FCHSD2: variants seen among roughly 807,000 people sequenced by gnomAD.
FCHSD2 encodes F-BAR and double SH3 domains protein 2.
A neutral mutation model predicts 108.1 loss-of-function variants in FCHSD2; 38 were observed. The ratio of observed to expected loss-of-function variants is 0.35; its 90% CI spans 0.27 to 0.46. The LOEUF is 0.46. Among genes scored for constraint, FCHSD2 ranks in the 20% least tolerant of loss-of-function variants. The pLI, the probability that FCHSD2 is intolerant of heterozygous loss-of-function variation, is 1.00. For missense variants in FCHSD2, 751 were observed against 897.8 expected, an observed-to-expected ratio of 0.84 and a Z score of 2.09; for synonymous variants, 279 against 314.7, an observed-to-expected ratio of 0.89 and a Z score of 1.20.
chr11:73,008,469 C>T (rs1193620475), intron 4 of FCHSD2, among the ~76,000 whole-genome samples: 1 of 152,060 alleles, frequency 6.6e-6, no homozygotes. Context: ...GGAGAATATC[C>T]TAAGCCTGGG....
intron 8 of FCHSD2, among the ~76,000 whole-genome samples, chr11:72,938,511 G>T (rs190758003): frequency 6.6e-6 from 1 of 152,230 alleles, no homozygotes; most frequent in East Asian, 1.9e-4. Flanking sequence ...CTGGTGTCTA[G>T]GTGTGCCCAC....
chr11:73,040,965 G>C (rs148783664), intron 3 of FCHSD2, among the ~76,000 whole-genome samples: 1 of 152,232 alleles, frequency 6.6e-6, no homozygotes, highest in Non-Finnish European at 1.5e-5. Flanking sequence ...ATATCAGTGA[G>C]TGAGAACATG....
intron 5 of FCHSD2, among the ~76,000 whole-genome samples, chr11:72,999,374 C>T (rs189532103): frequency 7.1e-6 from 1 of 140,492 alleles, no homozygotes; most frequent in African/African-American, 2.7e-5. Context: ...GGCTGGAGGG[C>T]AGTGGCACGA....
chr11:72,912,902 G>A (rs922422013), intron 9 of FCHSD2, among the ~76,000 whole-genome samples: 5 of 152,196 alleles, frequency 3.3e-5, no homozygotes, highest in East Asian at 3.9e-4. Flanking sequence ...ACCTGAGACT[G>A]GGTAATTTAT....
chr11:72,949,720 T>C (rs574103004), intron 8 of FCHSD2, among the ~76,000 whole-genome samples: 1 of 152,368 alleles, frequency 6.6e-6, no homozygotes, highest in Non-Finnish European at 1.5e-5. Flanking sequence ...TTCAATTTTA[T>C]GGTTGATAAT....
chr11:72,927,965 T>A (rs548435517), intron 8 of FCHSD2, among the ~76,000 whole-genome samples: 2 of 152,220 alleles, frequency 1.3e-5, no homozygotes, highest in South Asian at 4.1e-4. Flanking sequence ...TACTTTATCA[T>A]GTTAATGATT....
chr11:73,056,337 A>C (rs1859024490), intron 3 of FCHSD2, among the ~76,000 whole-genome samples: 1 of 152,190 alleles, frequency 6.6e-6, no homozygotes, highest in Non-Finnish European at 1.5e-5. Flanking sequence ...ACAAATTGCT[A>C]ATTGATGTAC....
chr11:72,838,583 A>G lies in FCHSD2; in HGVS notation c.*208T>C, dbSNP rs1193483722. The G allele has an allele frequency of 1.7e-6, 1 of 585,510 alleles. No homozygotes were observed. Among genetic ancestry groups the G allele is most frequent in the Non-Finnish European group, 3.1e-6 (1 of 327,784 alleles). The allele number at this position is 585,510 out of a possible 1,614,324, so 36.3% of individuals were successfully genotyped here. A position where few individuals can be genotyped will look rare whatever the true frequency, so the allele number is the denominator to read the frequency against. On this transcript the variant is annotated 3_prime_UTR_variant, in exon 20 of 20. Transcript: ENST00000409418. ...GCTAGGATTTGTGCTATGGTAGGAG[A>G]AATGACATAGAAAATGACAACAAAA...
chr11:73,135,694 G>C (rs1861105303), intron 2 of FCHSD2, among the ~76,000 whole-genome samples: 1 of 152,186 alleles, frequency 6.6e-6, no homozygotes. Context: ...AGCATGGAAT[G>C]TCCCTGATTA....
At chr11:73,044,831 GA>G (rs374587409) in intron 3 of FCHSD2, among the ~76,000 whole-genome samples, 675 of 152,280 alleles carry the variant, frequency 4.4e-3, no homozygotes, top group Middle Eastern at 6.8e-3. Context: ...AGTACTTTGG[GA>G]GGCCGAGGCA....
intron 8 of FCHSD2, among the ~76,000 whole-genome samples, chr11:72,973,937 C>T (rs1442472772): frequency 6.6e-6 from 1 of 152,012 alleles, no homozygotes; most frequent in African/African-American, 2.4e-5. Context: ...TGTTTGCCAA[C>T]CTCTGTTCTT....
chr11:73,003,822 T>C (rs903345502), intron 4 of FCHSD2, among the ~76,000 whole-genome samples: 25 of 151,516 alleles, frequency 1.6e-4, no homozygotes, highest in African/African-American at 6.0e-4. Context: ...ATAAGAAAAG[T>C]ATCAGCCAGC....
intron 3 of FCHSD2, among the ~76,000 whole-genome samples, chr11:73,035,296 A>G (rs1468338006): frequency 1.3e-5 from 2 of 151,980 alleles, no homozygotes; most frequent in Non-Finnish European, 2.9e-5. Context: ...ACCAGGCTCA[A>G]GAGAGTAGCT....
At chr11:73,076,122 A>G (rs1859545362) in intron 3 of FCHSD2, among the ~76,000 whole-genome samples, 1 of 152,210 alleles carries the variant, frequency 6.6e-6, no homozygotes. Flanking sequence ...ACCCATCTCA[A>G]AAACAAACAA....
At chr11:72,904,595 G>A (rs1266949105) in intron 9 of FCHSD2, among the ~76,000 whole-genome samples, 1 of 152,056 alleles carries the variant, frequency 6.6e-6, no homozygotes, top group Non-Finnish European at 1.5e-5. Flanking sequence ...ATTTCAGTAT[G>A]ACATCTAAAA....
At chr11:72,990,920 G>T (rs1177562353) in intron 5 of FCHSD2, among the ~76,000 whole-genome samples, 1 of 152,120 alleles carries the variant, frequency 6.6e-6, no homozygotes, top group African/African-American at 2.4e-5. Flanking sequence ...ATGAATCCAG[G>T]AGCTGGTTTT....
At chr11:73,058,314 G>C (rs1208634773) in intron 3 of FCHSD2, among the ~76,000 whole-genome samples, 1 of 152,120 alleles carries the variant, frequency 6.6e-6, no homozygotes, top group Non-Finnish European at 1.5e-5. Context: ...GACATTAAAT[G>C]GTATAGTATA....
intron 2 of FCHSD2, among the ~76,000 whole-genome samples, chr11:73,132,880 T>C (rs1861036486): frequency 6.7e-6 from 1 of 149,340 alleles, no homozygotes; most frequent in Admixed American, 6.7e-5. Flanking sequence ...AAAAAAATAC[T>C]GCATATATTT....
chr11:72,908,715 A>G (rs1390504042), intron 9 of FCHSD2, among the ~76,000 whole-genome samples: 1 of 152,140 alleles, frequency 6.6e-6, no homozygotes, highest in African/African-American at 2.4e-5. Context: ...CACCCAGGCT[A>G]GAGTGCAGTG....
Sources: allele counts gnomAD v4.1 joint callset (sites outside exome capture counted in the v4.1 genomes callset), GRCh38; gene constraint gnomAD v4.1.1; transcripts MANE v1.5; gene names NCBI Gene and HGNC (gene_info 2026-07-23, HGNC 2026-07-21).